Variants in THRB observed in about 807,000 individuals in gnomAD.
The protein encoded by THRB is thyroid hormone receptor beta.
A neutral mutation model predicts 47.8 loss-of-function variants in THRB; 12 were observed. The observed-to-expected ratio is 0.25, with a 90% CI of 0.16 to 0.41. The LOEUF (loss-of-function observed/expected upper bound fraction) is 0.41, where lower values mean the gene tolerates loss of function less well. Ranked by LOEUF, THRB falls within the 10% of genes least tolerant of loss-of-function variation. The pLI is 1.00. For synonymous variants in THRB, 218 were observed against 212.2 expected (o/e 1.03, Z -0.24); for missense variants, 348 against 589.2 (o/e 0.59, Z 4.24).
chr3:24,457,245 C>G (rs927527247), intron 1 of THRB, among the ~76,000 whole-genome samples: 4 of 152,154 alleles, frequency 2.6e-5, no homozygotes, highest in African/African-American at 9.7e-5. Flanking sequence ...TTTAGGCAAG[C>G]TATACTCACC....
At chr3:24,141,154 T>C (rs57873895) in intron 8 of THRB, among the ~76,000 whole-genome samples, 2,198 of 152,344 alleles carry the variant, frequency 0.014, 58 homozygotes, top group African/African-American at 0.05. Context: ...TAAAACTCTC[T>C]TGTGCATGGG....
At chr3:24,159,324 G>A (rs996215198) in intron 5 of THRB, among the ~76,000 whole-genome samples, 11 of 152,280 alleles carry the variant, frequency 7.2e-5, no homozygotes, top group East Asian at 3.9e-4. Context: ...ATGGATGTGC[G>A]CTTTAGGGAG....
intron 1 of THRB, chr3:24,348,829 G>T (rs551857435): frequency 5.3e-5 from 8 of 152,072 alleles, no homozygotes; most frequent in East Asian, 3.9e-4. Flanking sequence ...AATAATTCAA[G>T]GATAATTTCT....
intron 1 of THRB, among the ~76,000 whole-genome samples, chr3:24,396,690 T>C (rs1186244380): frequency 2.0e-5 from 3 of 152,156 alleles, no homozygotes; most frequent in Non-Finnish European, 4.4e-5. Context: ...CATGGCTCTT[T>C]CTTTGAAATC....
intron 1 of THRB, among the ~76,000 whole-genome samples, chr3:24,477,627 A>G (rs989044553): frequency 6.6e-6 from 1 of 152,086 alleles, no homozygotes; most frequent in Non-Finnish European, 1.5e-5. Flanking sequence ...TAACAGAAAT[A>G]CAGAAATAAC....
At chr3:24,318,655 A>C (rs1290492270) in intron 2 of THRB, among the ~76,000 whole-genome samples, 1 of 152,228 alleles carries the variant, frequency 6.6e-6, no homozygotes, top group African/African-American at 2.4e-5. Context: ...TGCCTGGAAC[A>C]AAGTATGTGC....
At chr3:24,451,990 C>G (rs945058568) in intron 1 of THRB, among the ~76,000 whole-genome samples, 1 of 152,128 alleles carries the variant, frequency 6.6e-6, no homozygotes, top group Non-Finnish European at 1.5e-5. Flanking sequence ...CCCAGTATCA[C>G]AGGTGTTAGA....
At position 24,123,079 on chromosome 3, in the gene THRB, A is replaced by G. The variant is rs773691913; in HGVS notation, c.1191T>C (p.Asp397=). The change falls in exon 11 of 11, where the codon GAT becomes GAC. Residue 397 remains aspartate (D), a synonymous_variant. Transcript: ENST00000646209. ...ACVERIEKYQ[D]SFLLAFEHYI... ...AGTGTTCAAAGGCCAGCAGGAAACT[A>G]TCTTGGTACTTTTCTATTCTCTCAA... 1.2e-6 allele frequency: 2 copies of G among 1,614,194 alleles called. No individual in the cohort carries two copies. Among genetic ancestry groups the G allele is most frequent in the Non-Finnish European group, 8.5e-7 (1 of 1,180,042 alleles).
At chr3:24,180,192 AC>A (rs1054924593) in intron 5 of THRB, among the ~76,000 whole-genome samples, 1 of 152,164 alleles carries the variant, frequency 6.6e-6, no homozygotes, top group Non-Finnish European at 1.5e-5. Context: ...AACTAGGCAA[AC>A]AAAGAGCTGA....
intron 5 of THRB, among the ~76,000 whole-genome samples, chr3:24,177,595 A>ACAAAAATCC (rs1230183818): frequency 3.9e-5 from 6 of 152,222 alleles, no homozygotes; most frequent in African/African-American, 1.4e-4. Flanking sequence ...AGCATTAAAA[A>ACAAAAATCC]CAAAAATCCA....
At chr3:24,179,947 C>T (rs1024597155) in intron 5 of THRB, among the ~76,000 whole-genome samples, 1 of 152,088 alleles carries the variant, frequency 6.6e-6, no homozygotes, top group Non-Finnish European at 1.5e-5. Context: ...TGTAAGATAA[C>T]AAGGAAAAGG....
intron 2 of THRB, among the ~76,000 whole-genome samples, chr3:24,326,090 T>C (rs2058786434): frequency 6.6e-6 from 1 of 152,220 alleles, no homozygotes; most frequent in Non-Finnish European, 1.5e-5. Context: ...TTTGCTCTTC[T>C]TAATATCTTG....
intron 1 of THRB, among the ~76,000 whole-genome samples, chr3:24,429,064 G>A (rs1017844210): frequency 4.6e-5 from 7 of 151,562 alleles, no homozygotes; most frequent in African/African-American, 9.7e-5. Context: ...GGGGAGAAAC[G>A]TAGGTTTGGA....
chr3:24,296,357 G>C (rs1248427379), intron 3 of THRB, among the ~76,000 whole-genome samples: 1 of 152,228 alleles, frequency 6.6e-6, no homozygotes. Context: ...TTAGGATAAT[G>C]TCGGCTTCGG....
intron 2 of THRB, among the ~76,000 whole-genome samples, chr3:24,326,355 C>T (rs1043766571): frequency 5.3e-5 from 8 of 152,160 alleles, no homozygotes; most frequent in Non-Finnish European, 8.8e-5. Context: ...CTTGCCTCAG[C>T]CTCCCAAGTA....
intron 3 of THRB, among the ~76,000 whole-genome samples, chr3:24,262,040 T>C (rs73039660): frequency 0.02 from 3,037 of 152,298 alleles, 62 homozygotes; most frequent in Non-Finnish European, 0.028. Context: ...TATGTGTCTC[T>C]ATAGACCCCA....
intron 1 of THRB, among the ~76,000 whole-genome samples, chr3:24,353,125 AC>A (rs200941914): frequency 6.6e-6 from 1 of 151,860 alleles, no homozygotes; most frequent in Non-Finnish European, 1.5e-5. Context: ...ATGGATTCTT[AC>A]CCCCCAAGTA....
At chr3:24,380,436 T>C (rs955007834) in intron 1 of THRB, among the ~76,000 whole-genome samples, 1 of 151,924 alleles carries the variant, frequency 6.6e-6, no homozygotes, top group African/African-American at 2.4e-5. Flanking sequence ...TCCTTAAACA[T>C]ACCAGGTATA....
chr3:24,403,925 G>A (rs577127867), intron 1 of THRB, among the ~76,000 whole-genome samples: 3 of 151,822 alleles, frequency 2.0e-5, no homozygotes, highest in African/African-American at 7.3e-5. Flanking sequence ...TTCAGACTTG[G>A]GTGTTTCACT....
Sources: allele counts gnomAD v4.1 joint callset (sites outside exome capture counted in the v4.1 genomes callset), GRCh38; gene constraint gnomAD v4.1.1; transcripts MANE v1.5; gene names NCBI Gene and HGNC (gene_info 2026-07-23, HGNC 2026-07-21).